GYG2: variants seen among roughly 807,000 people sequenced by gnomAD.
The protein encoded by GYG2 is glycogenin-2.
GYG2 carries 29 observed loss-of-function variants against 29.4 expected under a neutral mutation model. That is an observed-to-expected ratio of 0.99 (90% CI 0.74 to 1.35). The LOEUF is 1.35. Ranked by LOEUF, GYG2 falls within the 40% of genes most tolerant of loss-of-function variation. The pLI is 0.00. For synonymous variants in GYG2, 167 were observed against 172.3 expected (o/e 0.97, Z 0.24); for missense variants, 370 against 385.7 (o/e 0.96, Z 0.34).
Position 2,844,769 on chromosome X carries a change from T to G in GYG2, c.149+1415T>G, listed in dbSNP as rs1350965344. Among the ~76,000 whole-genome samples, 3 of 57,797 alleles carry G rather than the reference T, an allele frequency of 5.2e-5. 1 individual carries two copies. Among genetic ancestry groups the G allele is most frequent in the African/African-American group, 2.4e-4 (3 of 12,539 alleles). The allele number at this position is 57,797 out of a possible 115,157, so 50.2% of individuals were successfully genotyped here. ...ATGTGTATACGCACACGTATGTGTATATGTACACGTATGCATATATATATA... is the reference window on the plus strand; with the variant it reads ...ATGTGTATACGCACACGTATGTGTAGATGTACACGTATGCATATATATATA... On this transcript the variant is annotated intron_variant, in intron 3 of 10. Coordinates refer to ENST00000398806, the MANE Select transcript of GYG2 (RefSeq NM_001079855.2).
At chrX:2,846,056 T>TAATA in intron 3 of GYG2, among the ~76,000 whole-genome samples, 1 of 9,744 alleles carries the variant, frequency 1.0e-4, no homozygotes, top group Non-Finnish European at 1.8e-4. Flanking sequence ...TATATATATA[T>TAATA]TTTTTTTTTT....
chrX:2,852,126 A>G (rs5982895), intron 3 of GYG2, among the ~76,000 whole-genome samples: 7,293 of 110,795 alleles, frequency 0.066, 618 homozygotes, highest in African/African-American at 0.23. Context: ...GCATGGTGGC[A>G]TGCACTTGTA....
At position 2,842,993 on chromosome X, in the gene GYG2, C is replaced by T. The variant is rs1212298654; in HGVS notation, c.8-220C>T. The T allele has an allele frequency of 1.3e-5, 6 of 449,743 alleles. No homozygotes were observed. The highest frequency in any genetic ancestry group is 5.8e-5 in the South Asian group (2 of 34,470). 37.1% of individuals were successfully genotyped at this position (449,743 alleles called of 1,213,427 possible). A position where few individuals can be genotyped will look rare whatever the true frequency, so the allele number is the denominator to read the frequency against. The stretch of plus-strand genomic sequence containing the variant: ...ACGCCCAGCTAATTTTTGTATTTTT[C>T]GTAGAGACAGAGTTTCACCATGGTG... On this transcript the variant is annotated intron_variant, in intron 2 of 10. Transcript: ENST00000398806.
intron 8 of GYG2, among the ~76,000 whole-genome samples, chrX:2,869,094 C>A (rs761165926): frequency 2.0e-4 from 22 of 110,660 alleles, no homozygotes; most frequent in African/African-American, 6.9e-4. Flanking sequence ...GGTTCCATAT[C>A]TGTGGATTCA....
At chrX:2,853,723 A>G (rs991917555) in intron 3 of GYG2, 5 of 309,109 alleles carry the variant, frequency 1.6e-5, no homozygotes, top group African/African-American at 8.0e-5. Context: ...TATTAATTCT[A>G]CCGGTACAGT....
rs7892084 is a variant in GYG2, at chrX:2,832,266, C to T, written c.7+2071C>T. On this transcript the variant is annotated intron_variant, in intron 2 of 10. Coordinates refer to ENST00000398806, the MANE Select transcript of GYG2 (RefSeq NM_001079855.2). ...TGTTCCAAAGCAAAAGTCTGAGTCT[C>T]GGATCCCTTGTTGCTGGAGAGAGCT... is the stretch of plus-strand genomic sequence containing the variant. Among the ~76,000 whole-genome samples, 1,045 of 112,409 alleles carry T rather than the reference C, an allele frequency of 9.3e-3. 15 individuals are homozygous for T. Among genetic ancestry groups the T allele is most frequent in the African/African-American group, 0.032 (989 of 30,978 alleles).
Position 2,855,003 on chromosome X carries a change from A to G in GYG2, c.335A>G (p.Asn112Ser), listed in dbSNP as rs767952548. The G allele has an allele frequency of 2.4e-5, 29 of 1,209,437 alleles. No individual in the cohort carries two copies. The highest frequency in any genetic ancestry group is 4.6e-4 in the Middle Eastern group (2 of 4,372). ...FLDADTLVLSNVDELFDRGEF... is the reference protein window; with the variant it reads ...FLDADTLVLSSVDELFDRGEF... ...GTTTTGCTTCACCAGGTGCTGTCCA[A>G]TGTCGATGAGCTGTTTGACAGGGGA... Residue 112 changes from asparagine (N) to serine (S), a missense_variant, in exon 5 of 11, where the codon AAT (asparagine) becomes AGT (serine). Transcript: ENST00000398806.
In GYG2 at chrX:2,861,711, C is replaced by A. The variant is rs747007965; in HGVS notation, c.1027C>A (p.Arg343Ser). The change falls in exon 8 of 11, where the codon CGT becomes AGT. Residue 343 changes from arginine to serine, a missense_variant. Arg to Ser is a moderately radical substitution (Grantham distance 110). Coordinates refer to ENST00000398806, the MANE Select transcript of GYG2 (RefSeq NM_001079855.2). ...GACCCTGTCCCTACCTGAAGGACGC[C>A]GTTCAGAAGATGTAAGTACCTGCAT... is the stretch of plus-strand genomic sequence containing the variant. ...DETLSLPEGR[R>S]SEDMIACPET... The A allele has an allele frequency of 2.5e-6, 3 of 1,178,810 alleles. No homozygotes were observed. The highest frequency in any genetic ancestry group is 3.4e-6 in the Non-Finnish European group (3 of 873,881).
At position 2,851,398 on chromosome X, in the gene GYG2, C is replaced by T. The variant is rs993941861; in HGVS notation, c.150-2582C>T. On this transcript the variant is annotated intron_variant, in intron 3 of 10. Coordinates refer to ENST00000398806, the MANE Select transcript of GYG2 (RefSeq NM_001079855.2). ...GTAGCTGGGATTAGTTTCCCGCCACCGCACCCGGCTAGTTTTTGTATTTTT... is the reference window on the plus strand; with the variant it reads ...GTAGCTGGGATTAGTTTCCCGCCACTGCACCCGGCTAGTTTTTGTATTTTT... Among the ~76,000 whole-genome samples, 80 of 111,281 alleles carry T rather than the reference C, an allele frequency of 7.2e-4. 1 individual carries two copies. Among genetic ancestry groups the T allele is most frequent in the African/African-American group, 2.5e-3 (75 of 30,585 alleles).
chrX:2,866,268 G>C (rs972835390), intron 8 of GYG2, among the ~76,000 whole-genome samples: 1 of 112,021 alleles, frequency 8.9e-6, no homozygotes, highest in Non-Finnish European at 1.9e-5. Context: ...GCTGAGGCAG[G>C]ATGATTGCTT....
At chrX:2,842,728 C>T (rs181146347) in intron 2 of GYG2, among the ~76,000 whole-genome samples, 1 of 84,838 alleles carries the variant, frequency 1.2e-5, no homozygotes, top group East Asian at 3.7e-4. Context: ...TTTAAGGTTC[C>T]TTCATACTCC....
At chrX:2,873,499 A>T (rs1265753667) in intron 8 of GYG2, among the ~76,000 whole-genome samples, 1 of 110,744 alleles carries the variant, frequency 9.0e-6, no homozygotes, top group East Asian at 2.8e-4. Flanking sequence ...ATCACCTCGC[A>T]TAAATGCTGT....
At chrX:2,848,986 A>G (rs1259576041) in intron 3 of GYG2, among the ~76,000 whole-genome samples, 2 of 111,117 alleles carry the variant, frequency 1.8e-5, no homozygotes, top group Non-Finnish European at 3.8e-5. Flanking sequence ...ATGACCGTAA[A>G]TGACCAGGGG....
rs139535776 is a variant in GYG2, at chrX:2,832,293, G to A, written c.7+2098G>A. Among the ~76,000 whole-genome samples the A allele has an allele frequency of 5.3e-5, 6 of 112,216 alleles. No individual in the cohort carries two copies. The East Asian group carries it at 1.4e-3, about 26-fold the overall frequency. Reference sequence around the variant, plus strand: ...GATCCCTTGTTGCTGGAGAGAGCTCGTGTGCCAACTGGTGTTGTCTTGTCA... The same window carrying A: ...GATCCCTTGTTGCTGGAGAGAGCTCATGTGCCAACTGGTGTTGTCTTGTCA... On this transcript the variant is annotated intron_variant, in intron 2 of 10. Transcript: ENST00000398806.
At chrX:2,851,246 T>C (rs946146203) in intron 3 of GYG2, among the ~76,000 whole-genome samples, 3 of 111,198 alleles carry the variant, frequency 2.7e-5, no homozygotes, top group Non-Finnish European at 5.7e-5. Context: ...AGTTGTTTGT[T>C]GTTGTTGTTG....
intron 3 of GYG2, among the ~76,000 whole-genome samples, chrX:2,852,116 G>T (rs991577018): frequency 5.4e-5 from 6 of 110,956 alleles, no homozygotes; most frequent in African/African-American, 1.6e-4. Context: ...AATTAGCCGG[G>T]CATGGTGGCA....
chrX:2,835,409 G>C (rs1409085780), intron 2 of GYG2, among the ~76,000 whole-genome samples: 9 of 111,914 alleles, frequency 8.0e-5, no homozygotes, highest in Non-Finnish European at 1.5e-4. Context: ...GTTAACTTTG[G>C]AATGCCCTTG....
At chrX:2,845,655 GTACA>G (rs1392112382) in intron 3 of GYG2, among the ~76,000 whole-genome samples, 1 of 105,061 alleles carries the variant, frequency 9.5e-6, no homozygotes, top group African/African-American at 3.4e-5. Context: ...GCATGTGTAT[GTACA>G]TACATTTATA....
At chrX:2,858,749 A>G (rs889819942) in intron 6 of GYG2, among the ~76,000 whole-genome samples, 3 of 111,788 alleles carry the variant, frequency 2.7e-5, no homozygotes, top group Admixed American at 1.9e-4. Flanking sequence ...TAGATATGTC[A>G]TGTGACTTTT....
Sources: allele counts gnomAD v4.1 joint callset (sites outside exome capture counted in the v4.1 genomes callset), GRCh38; gene constraint gnomAD v4.1.1; transcripts MANE v1.5; gene names NCBI Gene and HGNC (gene_info 2026-07-23, HGNC 2026-07-21).